NRG1: variants seen among roughly 807,000 people sequenced by gnomAD.
NRG1 encodes the protein neuregulin 1.
In NRG1, 18 loss-of-function variants were observed where a neutral mutation model predicts 63.8. That is an observed-to-expected ratio of 0.28 (90% CI 0.19 to 0.42). The LOEUF (loss-of-function observed/expected upper bound fraction) is 0.42, where lower values mean the gene tolerates loss of function less well. Ranked by LOEUF, NRG1 falls within the 10% of genes least tolerant of loss-of-function variation. NRG1 has a pLI of 1.00. For missense variants in NRG1, 762 were observed against 814.7 expected (o/e 0.94, Z 0.79); for synonymous variants, 302 against 301.3 (o/e 1.00, Z -0.02).
rs564278170 is a variant in NRG1 at position 32,570,405 on chromosome 8, C to G, written c.100+21579C>G. ...GAATAGAACAGACATGATTCTTATC[C>G]ATGGAGAGCTTATATTCTAAAGATG... is the stretch of plus-strand genomic sequence containing the variant. On this transcript the variant is annotated intron_variant, in intron 1 of 11. Coordinates refer to ENST00000356819, the Ensembl canonical transcript of NRG1. 2.6e-5 allele frequency among the ~76,000 whole-genome samples: 4 copies of G among 152,112 alleles called. No individual in the cohort carries two copies. In the East Asian group the frequency reaches 7.7e-4, roughly 29 times the overall value.
intron 1 of NRG1, among the ~76,000 whole-genome samples, chr8:32,045,417 T>C (rs752317211): frequency 5.3e-5 from 8 of 151,968 alleles, no homozygotes; most frequent in Non-Finnish European, 1.0e-4. Flanking sequence ...AGTTGATCTA[T>C]AGATTTAATG....
At chr8:32,058,266 C>A (rs1001450224) in intron 1 of NRG1, among the ~76,000 whole-genome samples, 3 of 151,966 alleles carry the variant, frequency 2.0e-5, no homozygotes, top group African/African-American at 7.2e-5. Context: ...AAGGGACATA[C>A]ATGGCTGTAT....
At chr8:31,988,432 C>T (rs1261084758) in intron 1 of NRG1, among the ~76,000 whole-genome samples, 1 of 152,008 alleles carries the variant, frequency 6.6e-6, no homozygotes, top group African/African-American at 2.4e-5. Context: ...ACCATGGATC[C>T]AATTTCAGCC....
intron 1 of NRG1, among the ~76,000 whole-genome samples, chr8:32,379,619 G>A (rs78303956): frequency 0.057 from 8,633 of 152,274 alleles, 335 homozygotes; most frequent in Middle Eastern, 0.088. Context: ...CATTGTGTCA[G>A]ATCCTTCTGC....
At chr8:32,319,156 A>G (rs746251919) in intron 1 of NRG1, among the ~76,000 whole-genome samples, 2 of 152,088 alleles carry the variant, frequency 1.3e-5, no homozygotes, top group Non-Finnish European at 2.9e-5. Context: ...TGCAGTGTCT[A>G]TTTGTCTAGA....
chr8:32,657,127 G>A (rs182676802), intron 5 of NRG1, among the ~76,000 whole-genome samples: 118 of 151,704 alleles, frequency 7.8e-4, no homozygotes, highest in African/African-American at 2.7e-3. Context: ...ATATGCATTT[G>A]GAAGAAAGAT....
chr8:32,756,447 G>A (rs145033301), exon 9 of NRG1: 62 of 1,613,492 alleles, frequency 3.8e-5, no homozygotes, highest in Middle Eastern at 1.7e-4. Flanking sequence ...CAGAGCCTTC[G>A]GTCTGAACGA....
intron 3 of NRG1, among the ~76,000 whole-genome samples, chr8:32,609,569 TC>T (rs1845957919): frequency 1.8e-5 from 2 of 109,758 alleles, no homozygotes; most frequent in African/African-American, 4.3e-5. Context: ...CTTCCTTCCT[TC>T]CTTCCTTCCT....
At chr8:32,157,645 T>A (rs1447388645) in intron 1 of NRG1, among the ~76,000 whole-genome samples, 2 of 149,828 alleles carry the variant, frequency 1.3e-5, no homozygotes, top group Non-Finnish European at 3.0e-5. Flanking sequence ...AAACTCCATC[T>A]CAAAATATAT....
intron 1 of NRG1, among the ~76,000 whole-genome samples, chr8:32,511,977 G>A (rs1166624167): frequency 1.3e-5 from 2 of 152,140 alleles, no homozygotes; most frequent in African/African-American, 2.4e-5. Context: ...TGGACATTGT[G>A]CTGGTCTCTT....
chr8:32,576,154 CTT>C (rs1393148297), intron 1 of NRG1, among the ~76,000 whole-genome samples: 2 of 152,106 alleles, frequency 1.3e-5, no homozygotes, highest in Non-Finnish European at 2.9e-5. Flanking sequence ...AATCTACTCT[CTT>C]AGCAATTTTC....
At chr8:31,873,998 T>C (rs1829711234) in intron 1 of NRG1, among the ~76,000 whole-genome samples, 1 of 152,224 alleles carries the variant, frequency 6.6e-6, no homozygotes, top group African/African-American at 2.4e-5. Flanking sequence ...TGTGATTTTC[T>C]GTTGGAGTCT....
intron 1 of NRG1, among the ~76,000 whole-genome samples, chr8:32,328,515 G>A (rs1259742174): frequency 6.6e-6 from 1 of 151,430 alleles, no homozygotes; most frequent in East Asian, 1.9e-4. Flanking sequence ...TATCCATGTG[G>A]CATCAAGCCA....
chr8:32,329,504 G>T (rs1455028940), intron 1 of NRG1, among the ~76,000 whole-genome samples: 1 of 152,136 alleles, frequency 6.6e-6, no homozygotes, highest in African/African-American at 2.4e-5. Flanking sequence ...ATAATGTGAT[G>T]GGGGATAAAA....
chr8:31,768,656 G>T (rs1818314747), intron 1 of NRG1, among the ~76,000 whole-genome samples: 1 of 152,142 alleles, frequency 6.6e-6, no homozygotes, highest in South Asian at 2.1e-4. Flanking sequence ...ATTTCTGGTG[G>T]AATTCCTTTA....
chr8:31,846,853 A>G (rs1826737035), intron 1 of NRG1, among the ~76,000 whole-genome samples: 1 of 152,158 alleles, frequency 6.6e-6, no homozygotes, highest in African/African-American at 2.4e-5. Flanking sequence ...AATTCTATGC[A>G]TTTTGTCATT....
chr8:31,876,980 GGGTTGGGGAATGGCAA>G (rs1358957863), intron 1 of NRG1, among the ~76,000 whole-genome samples: 1 of 152,084 alleles, frequency 6.6e-6, no homozygotes, highest in Non-Finnish European at 1.5e-5. Flanking sequence ...CTGTTTTAAT[GGGTTGGGGAATGGCAA>G]GAGCAAAGGA....
intron 1 of NRG1, among the ~76,000 whole-genome samples, chr8:32,453,818 T>G (rs1461501926): frequency 6.6e-6 from 1 of 152,166 alleles, no homozygotes; most frequent in Non-Finnish European, 1.5e-5. Context: ...AGCTGCCCCC[T>G]TGCAACCCAT....
At chr8:32,425,316 T>G (rs2129486379) in intron 1 of NRG1, among the ~76,000 whole-genome samples, 1 of 152,294 alleles carries the variant, frequency 6.6e-6, no homozygotes, top group South Asian at 2.1e-4. Context: ...GAGTCCTATT[T>G]AGAAAGCAGT....
Sources: gnomAD v4.1 joint callset for allele counts (sites outside exome capture counted in the v4.1 genomes callset) on GRCh38, gnomAD v4.1.1 for gene constraint, MANE v1.5 for transcripts, NCBI Gene and HGNC (gene_info 2026-07-23, HGNC 2026-07-21) for gene names.